Variants in SIPA1L1 observed in about 807,000 individuals in gnomAD.
SIPA1L1 encodes signal induced proliferation associated 1 like 1.
SIPA1L1 carries 26 observed loss-of-function variants against 162.7 expected under a neutral mutation model. The observed-to-expected ratio is 0.16, with a 90% CI of 0.12 to 0.22. The LOEUF is 0.22. Among genes scored for constraint, SIPA1L1 ranks in the 10% least tolerant of loss-of-function variants. The pLI is 1.00. For synonymous variants in SIPA1L1, 829 were observed against 837.4 expected (o/e 0.99, Z 0.17); for missense variants, 1,874 against 2,241.0 (o/e 0.84, Z 3.31).
At chr14:71,712,883 GC>G (rs1747639878) in intron 17 of SIPA1L1, among the ~76,000 whole-genome samples, 1 of 152,034 alleles carries the variant, frequency 6.6e-6, no homozygotes, top group Non-Finnish European at 1.5e-5. Context: ...CTTCCCTAAG[GC>G]CCCCTCAGAC....
At chr14:71,563,549 A>G (rs2056957374) in intron 4 of SIPA1L1, among the ~76,000 whole-genome samples, 1 of 152,208 alleles carries the variant, frequency 6.6e-6, no homozygotes, top group African/African-American at 2.4e-5. Flanking sequence ...ATTTCCTTTT[A>G]TATCTTCAAA....
intron 5 of SIPA1L1, among the ~76,000 whole-genome samples, chr14:71,594,739 T>C (rs2035834338): frequency 6.6e-6 from 1 of 152,230 alleles, no homozygotes; most frequent in South Asian, 2.1e-4. Flanking sequence ...ATTGAAGTAT[T>C]TTTCAATGTA....
chr14:71,453,731 C>T (rs543301879), intron 2 of SIPA1L1, among the ~76,000 whole-genome samples: 5 of 152,200 alleles, frequency 3.3e-5, no homozygotes, highest in South Asian at 2.1e-4. Flanking sequence ...CAGTGGCTCA[C>T]GCCTGTAATC....
intron 17 of SIPA1L1, among the ~76,000 whole-genome samples, chr14:71,714,186 G>T (rs982835476): frequency 6.6e-6 from 1 of 152,098 alleles, no homozygotes; most frequent in African/African-American, 2.4e-5. Flanking sequence ...AAGCGATCTT[G>T]CCACACCTCT....
chr14:71,738,931 C>G, intron 23 of SIPA1L1, 87 bp from the exon 24 acceptor site: 1 of 1,442,624 alleles, frequency 6.9e-7, no homozygotes, highest in Non-Finnish European at 9.3e-7. Flanking sequence ...GACAAAAGAT[C>G]AAAACGGGTC....
At chr14:71,434,958 GT>G (rs1362359640) in intron 2 of SIPA1L1, among the ~76,000 whole-genome samples, 1 of 152,054 alleles carries the variant, frequency 6.6e-6, no homozygotes, top group Admixed American at 6.5e-5. Flanking sequence ...TTTTATTCCA[GT>G]TTTTACCTAG....
chr14:71,705,397 C>A, intron 16 of SIPA1L1, 57 bp downstream of exon 16: 1 of 1,255,918 alleles, frequency 8.0e-7, no homozygotes, highest in Non-Finnish European at 1.2e-6. Context: ...ACCTTCCTTG[C>A]ACTATGAAAA....
intron 2 of SIPA1L1, among the ~76,000 whole-genome samples, chr14:71,392,117 G>C (rs766238280): frequency 6.6e-6 from 1 of 152,212 alleles, no homozygotes; most frequent in African/African-American, 2.4e-5. Context: ...GAGGAAGCCA[G>C]AGAGGCTTGG....
At chr14:71,663,811 G>A (rs892726952) in intron 10 of SIPA1L1, among the ~76,000 whole-genome samples, 1 of 152,214 alleles carries the variant, frequency 6.6e-6, no homozygotes, top group African/African-American at 2.4e-5. Flanking sequence ...ATGTGGGCAG[G>A]TCTGGAATTT....
intron 2 of SIPA1L1, among the ~76,000 whole-genome samples, chr14:71,493,206 C>T (rs972395500): frequency 6.6e-6 from 1 of 152,084 alleles, no homozygotes; most frequent in African/African-American, 2.4e-5. Context: ...AATTTTCCTG[C>T]CTCAGCCTCC....
chr14:71,679,147 A>T (rs2045527847), intron 12 of SIPA1L1, among the ~76,000 whole-genome samples: 1 of 152,180 alleles, frequency 6.6e-6, no homozygotes, highest in African/African-American at 2.4e-5. Context: ...GATTCACCAA[A>T]GTTGAAATGA....
chr14:71,415,097 T>C (rs1314693380), intron 2 of SIPA1L1, among the ~76,000 whole-genome samples: 1 of 152,084 alleles, frequency 6.6e-6, no homozygotes, highest in Non-Finnish European at 1.5e-5. Flanking sequence ...TCCTAAGGAG[T>C]CAGCTCTTCT....
At chr14:71,394,071 C>T (rs1232778108) in intron 2 of SIPA1L1, among the ~76,000 whole-genome samples, 1 of 152,342 alleles carries the variant, frequency 6.6e-6, no homozygotes, top group Non-Finnish European at 1.5e-5. Context: ...CTTCAGAAAG[C>T]TTCTTGGGAT....
chr14:71,722,734 G>A (rs898488015), intron 17 of SIPA1L1, among the ~76,000 whole-genome samples: 2 of 152,114 alleles, frequency 1.3e-5, no homozygotes, highest in Non-Finnish European at 2.9e-5. Flanking sequence ...GACTTTAGTT[G>A]TATAATCTTT....
At position 71,620,195 on chromosome 14, in the gene SIPA1L1, G is replaced by A. The variant is rs560525718; in HGVS notation, c.1629+1308G>A. On this transcript the variant is annotated intron_variant, in intron 6 of 23. Coordinates refer to ENST00000381232, the MANE Select transcript of SIPA1L1 (RefSeq NM_001386936.1). ...AGTGATTCTCCTGCCTCAGCCTCCC[G>A]AGTAGCTGGGATTACAGGCATGCGC... is the stretch of plus-strand genomic sequence containing the variant. Among the ~76,000 whole-genome samples the A allele has an allele frequency of 3.3e-5, 5 of 152,178 alleles. No homozygotes were observed. The East Asian group carries it at 5.8e-4, about 18-fold the overall frequency.
chr14:71,503,445 A>G (rs1161495833), intron 2 of SIPA1L1, among the ~76,000 whole-genome samples: 1 of 152,220 alleles, frequency 6.6e-6, no homozygotes, highest in Non-Finnish European at 1.5e-5. Flanking sequence ...CAGTATAGGC[A>G]GAAGTAGTAG....
In SIPA1L1 at chr14:71,331,200, A is replaced by G. The variant is rs771210898; in HGVS notation, c.-465+10019A>G. Among the ~76,000 whole-genome samples, 106 of 152,162 alleles carry G rather than the reference A, an allele frequency of 7.0e-4. 1 individual carries two copies. Among genetic ancestry groups the G allele is most frequent in the Non-Finnish European group, 7.5e-4 (51 of 68,030 alleles). On this transcript the variant is annotated intron_variant, in intron 2 of 23. Transcript: ENST00000381232. ...GGTCTTGGCACCCTTGCCAGAAATC[A>G]TTTGACTATATATGTGGGTTTATTT...
intron 2 of SIPA1L1, among the ~76,000 whole-genome samples, chr14:71,409,537 C>G (rs2042260585): frequency 6.6e-6 from 1 of 152,090 alleles, no homozygotes; most frequent in African/African-American, 2.4e-5. Context: ...CTAGGTTTCA[C>G]CTTTAGTAAA....
At chr14:71,682,139 C>T (rs901694016) in intron 12 of SIPA1L1, among the ~76,000 whole-genome samples, 1 of 152,186 alleles carries the variant, frequency 6.6e-6, no homozygotes, top group Non-Finnish European at 1.5e-5. Flanking sequence ...GCAGGTTAAT[C>T]TCTCTAGGCC....
Sources: gnomAD v4.1 joint callset for allele counts (sites outside exome capture counted in the v4.1 genomes callset) on GRCh38, gnomAD v4.1.1 for gene constraint, MANE v1.5 for transcripts, NCBI Gene and HGNC (gene_info 2026-07-23, HGNC 2026-07-21) for gene names.